Variants in UBASH3B observed in about 807,000 individuals in gnomAD.
The protein encoded by UBASH3B is ubiquitin-associated and SH3 domain-containing protein B.
In UBASH3B, 37 loss-of-function variants were observed where a neutral mutation model predicts 83.4. The ratio of observed to expected loss-of-function variants is 0.44; its 90% CI spans 0.34 to 0.58. The LOEUF (loss-of-function observed/expected upper bound fraction) is 0.58. Ranked by LOEUF, UBASH3B falls within the 20% of genes least tolerant of loss-of-function variation. The pLI is 0.01. For synonymous variants in UBASH3B, 304 were observed against 318.3 expected (o/e 0.96, Z 0.48); for missense variants, 657 against 827.2 (o/e 0.79, Z 2.52).
chr11:122,735,073 G>A (rs1172145475), intron 1 of UBASH3B, among the ~76,000 whole-genome samples: 2 of 152,064 alleles, frequency 1.3e-5, no homozygotes, highest in African/African-American at 4.8e-5. Flanking sequence ...ACACATGAGG[G>A]TCAGAGTTAT....
At chr11:122,736,550 A>G (rs1860935148) in intron 1 of UBASH3B, among the ~76,000 whole-genome samples, 1 of 150,940 alleles carries the variant, frequency 6.6e-6, no homozygotes, top group South Asian at 2.1e-4. Context: ...TCAGGAGTTT[A>G]TGTAGAAGGT....
chr11:122,794,669 A>G, intron 6 of UBASH3B, 33 bp from the exon 7 acceptor site: 1 of 1,613,644 alleles, frequency 6.2e-7, no homozygotes, highest in Non-Finnish European at 8.5e-7. Flanking sequence ...TGCTGGCCAG[A>G]GCAGTTAACA....
chr11:122,803,256 C>T (rs532010458), intron 11 of UBASH3B, among the ~76,000 whole-genome samples: 3 of 152,144 alleles, frequency 2.0e-5, no homozygotes, highest in African/African-American at 4.8e-5. Flanking sequence ...GGGACAGCCC[C>T]GGAGTTTAAT....
intron 1 of UBASH3B, among the ~76,000 whole-genome samples, chr11:122,757,682 C>A (rs1861302989): frequency 6.6e-6 from 1 of 150,462 alleles, no homozygotes; most frequent in Non-Finnish European, 1.5e-5. Context: ...CTCAGAAGCC[C>A]AATGGGAAGA....
intron 4 of UBASH3B, among the ~76,000 whole-genome samples, chr11:122,779,919 A>G (rs1860820875): frequency 6.6e-6 from 1 of 152,208 alleles, no homozygotes; most frequent in South Asian, 2.1e-4. Context: ...GAGACCGTCT[A>G]AGGCTTATTC....
At chr11:122,779,336 T>C (rs1321421557) in intron 3 of UBASH3B, 161 bp from the exon 4 acceptor site, 24 of 704,470 alleles carry the variant, frequency 3.4e-5, no homozygotes, top group Non-Finnish European at 1.9e-5. Context: ...TCTGAATAAT[T>C]GGAAGTCTGC....
At position 122,708,984 on chromosome 11, in the gene UBASH3B, T is replaced by G. The variant is rs572918734; in HGVS notation, c.161+52774T>G. On this transcript the variant is annotated intron_variant, in intron 1 of 13. Transcript: ENST00000284273. Reference sequence around the variant, plus strand: ...ATTCATGGTCAGGTACGGTGGTGCATGCCTGTAACCCTAGCACTTTGGGAG... The same window carrying G: ...ATTCATGGTCAGGTACGGTGGTGCAGGCCTGTAACCCTAGCACTTTGGGAG... Among the ~76,000 whole-genome samples the G allele has an allele frequency of 8.5e-5, 13 of 152,258 alleles. No homozygotes were observed. The East Asian group carries it at 2.1e-3, about 25-fold the overall frequency.
intron 1 of UBASH3B, among the ~76,000 whole-genome samples, chr11:122,690,165 A>AATAT (rs1863863732): frequency 8.4e-5 from 3 of 35,878 alleles, no homozygotes; most frequent in Admixed American, 3.6e-4. Flanking sequence ...GAGGCAGGAA[A>AATAT]ACATATATAT....
At chr11:122,768,208 A>C (rs910640348) in intron 1 of UBASH3B, among the ~76,000 whole-genome samples, 2 of 152,162 alleles carry the variant, frequency 1.3e-5, no homozygotes, top group Admixed American at 6.5e-5. Flanking sequence ...TACAGGGAAC[A>C]GAGAAGTAGA....
intron 1 of UBASH3B, among the ~76,000 whole-genome samples, chr11:122,691,826 T>C (rs1863901307): frequency 6.6e-6 from 1 of 152,144 alleles, no homozygotes; most frequent in Non-Finnish European, 1.5e-5. Context: ...TGGCCATTTG[T>C]GACGGGGTTC....
rs189318280 is a variant in UBASH3B at position 122,786,662 on chromosome 11, A to C, written c.772-2438A>C. Among the ~76,000 whole-genome samples, 1,171 of 152,250 alleles carry C rather than the reference A, an allele frequency of 7.7e-3. 10 individuals are homozygous for C. Among genetic ancestry groups the C allele is most frequent in the Non-Finnish European group, 0.012 (796 of 68,004 alleles). On this transcript the variant is annotated intron_variant, in intron 5 of 13. Coordinates refer to ENST00000284273, the MANE Select transcript of UBASH3B (RefSeq NM_032873.5). ...ACAGAGCGAGACTCCGTCTCACACA[A>C]AAAAAAGAGTTCTTACAAGTAGATG...
chr11:122,726,056 C>T (rs1010226978), intron 1 of UBASH3B, among the ~76,000 whole-genome samples: 2 of 152,198 alleles, frequency 1.3e-5, no homozygotes, highest in Non-Finnish European at 2.9e-5. Flanking sequence ...GAAACATGCT[C>T]ATGGTTCAAA....
intron 1 of UBASH3B, among the ~76,000 whole-genome samples, chr11:122,712,912 T>C (rs993577742): frequency 3.9e-5 from 5 of 129,622 alleles, no homozygotes; most frequent in Non-Finnish European, 8.2e-5. Context: ...TTTTTTTTTT[T>C]TTTTTTTTTT....
At chr11:122,776,403 G>A (rs2135139746) in intron 2 of UBASH3B, 131 bp downstream of exon 2, 5 of 804,564 alleles carry the variant, frequency 6.2e-6, no homozygotes, top group Middle Eastern at 2.9e-4. Context: ...ACTGTGGCAA[G>A]TGCGTTTATC....
intron 1 of UBASH3B, among the ~76,000 whole-genome samples, chr11:122,731,830 T>C (rs1860848612): frequency 6.6e-6 from 1 of 152,242 alleles, no homozygotes; most frequent in Non-Finnish European, 1.5e-5. Context: ...TTTAAATGTT[T>C]GCTCTCTTGT....
chr11:122,730,649 G>A (rs1403576061), intron 1 of UBASH3B, among the ~76,000 whole-genome samples: 2 of 151,048 alleles, frequency 1.3e-5, no homozygotes, highest in Non-Finnish European at 2.9e-5. Context: ...AGGCTGGAGT[G>A]CAATGGCACG....
At chr11:122,690,092 T>C (rs983746455) in intron 1 of UBASH3B, among the ~76,000 whole-genome samples, 1 of 147,980 alleles carries the variant, frequency 6.8e-6, no homozygotes, top group East Asian at 2.1e-4. Flanking sequence ...CTTTGGAAGA[T>C]TAAAGTCCTG....
chr11:122,774,338 G>A (rs1860697210), intron 1 of UBASH3B: 3 of 978,576 alleles, frequency 3.1e-6, no homozygotes, highest in African/African-American at 3.5e-5. Context: ...TTTGGTATCT[G>A]TGCGCAGACT....
At chr11:122,721,580 T>C (rs115692278) in intron 1 of UBASH3B, among the ~76,000 whole-genome samples, 2,035 of 152,296 alleles carry the variant, frequency 0.013, 44 homozygotes, top group African/African-American at 0.046. Flanking sequence ...TCAAACACCA[T>C]CCCTTTAAAA....
Sources: allele counts gnomAD v4.1 joint callset (sites outside exome capture counted in the v4.1 genomes callset), GRCh38; gene constraint gnomAD v4.1.1; transcripts MANE v1.5; gene names NCBI Gene and HGNC (gene_info 2026-07-23, HGNC 2026-07-21).